The following GIGYF2 variants were observed in gnomAD, a reference collection of about 807,000 sequenced individuals.
The protein encoded by GIGYF2 is GRB10-interacting GYF protein 2.
Under a neutral mutation model 208.1 loss-of-function variants are expected in GIGYF2, and 25 were observed. The observed-to-expected ratio is 0.12, with a 90% CI of 0.09 to 0.17. The LOEUF (loss-of-function observed/expected upper bound fraction) is 0.17. GIGYF2 is among the 10% of genes least tolerant of loss of function. The pLI is 1.00. For missense variants in GIGYF2, 1,302 were observed against 1,579.4 expected, an observed-to-expected ratio of 0.82 and a Z score of 2.98; for synonymous variants, 534 against 543.8, an observed-to-expected ratio of 0.98 and a Z score of 0.25.
intron 2 of GIGYF2, among the ~76,000 whole-genome samples, chr2:232,731,975 G>C (rs142579783): frequency 0.01 from 1,581 of 152,282 alleles, 9 homozygotes; most frequent in Non-Finnish European, 0.014. Context: ...GAAAATAGAA[G>C]TAAAATAAAT....
chr2:232,779,331 G>A (rs1485724383), intron 8 of GIGYF2, among the ~76,000 whole-genome samples: 1 of 152,152 alleles, frequency 6.6e-6, no homozygotes, highest in Non-Finnish European at 1.5e-5. Flanking sequence ...TAATTATCCT[G>A]TATTAAATCT....
At chr2:232,797,488 CTTGTGT>C (rs1559439754) in intron 14 of GIGYF2, among the ~76,000 whole-genome samples, 2 of 49,158 alleles carry the variant, frequency 4.1e-5, no homozygotes, top group Non-Finnish European at 3.8e-5. Flanking sequence ...GAGAGCAGGG[CTTGTGT>C]GTGTGTGTGT....
At chr2:232,763,314 T>C (rs1201859762) in intron 8 of GIGYF2, among the ~76,000 whole-genome samples, 2 of 152,184 alleles carry the variant, frequency 1.3e-5, no homozygotes, top group African/African-American at 4.8e-5. Flanking sequence ...ACAGAATTTT[T>C]AGGATTATAG....
At chr2:232,708,731 A>G (rs561256569) in intron 2 of GIGYF2, among the ~76,000 whole-genome samples, 16 of 150,262 alleles carry the variant, frequency 1.1e-4, no homozygotes, top group Admixed American at 8.0e-4. Flanking sequence ...AGTCCTAACT[A>G]CAGCCTCACT....
At chr2:232,849,864 C>T (rs1690244875) in intron 27 of GIGYF2, among the ~76,000 whole-genome samples, 1 of 152,166 alleles carries the variant, frequency 6.6e-6, no homozygotes, top group Non-Finnish European at 1.5e-5. Flanking sequence ...TCCTCTCTGT[C>T]CTGGGGCCCA....
intron 5 of GIGYF2, among the ~76,000 whole-genome samples, chr2:232,750,120 G>C (rs1698285941): frequency 6.6e-6 from 1 of 151,946 alleles, no homozygotes; most frequent in African/African-American, 2.4e-5. Flanking sequence ...GGGAGACAGA[G>C]ATTGCAGTGA....
At chr2:232,749,254 C>G (rs1340606113) in intron 5 of GIGYF2, among the ~76,000 whole-genome samples, 172 bp downstream of exon 5, 1 of 152,152 alleles carries the variant, frequency 6.6e-6, no homozygotes, top group African/African-American at 2.4e-5. Flanking sequence ...GCTGTAGTAT[C>G]TGTAGCTTTT....
chr2:232,725,827 AG>A (rs1365576924), intron 2 of GIGYF2, among the ~76,000 whole-genome samples: 1 of 152,242 alleles, frequency 6.6e-6, no homozygotes, highest in Non-Finnish European at 1.5e-5. Context: ...TAATATTAGC[AG>A]TATCCATTAG....
At chr2:232,725,756 C>T (rs2106280732) in intron 2 of GIGYF2, among the ~76,000 whole-genome samples, 1 of 152,292 alleles carries the variant, frequency 6.6e-6, no homozygotes, top group South Asian at 2.1e-4. Context: ...GCCTTGAGGG[C>T]AGGAGTTATC....
intron 2 of GIGYF2, among the ~76,000 whole-genome samples, chr2:232,710,525 C>T (rs939301947): frequency 6.6e-6 from 1 of 152,184 alleles, no homozygotes; most frequent in Non-Finnish European, 1.5e-5. Context: ...TTGAGCAAAA[C>T]ACATATTGTT....
At chr2:232,844,978 A>G (rs759007380) in intron 25 of GIGYF2, among the ~76,000 whole-genome samples, 2 of 152,116 alleles carry the variant, frequency 1.3e-5, no homozygotes, top group Non-Finnish European at 2.9e-5. Flanking sequence ...CCTTAAACCT[A>G]TTTATTTTTA....
intron 11 of GIGYF2, 29 bp downstream of exon 11, chr2:232,791,199 T>G: frequency 6.2e-7 from 1 of 1,613,976 alleles, no homozygotes; most frequent in South Asian, 1.1e-5. Flanking sequence ...CTTTGCCTTT[T>G]TTTTCCTCCA....
At chr2:232,723,269 C>T (rs1300226474) in intron 2 of GIGYF2, among the ~76,000 whole-genome samples, 1 of 152,106 alleles carries the variant, frequency 6.6e-6, no homozygotes, top group Non-Finnish European at 1.5e-5. Flanking sequence ...TACTTCCTGC[C>T]TTCTCAGAGA....
rs769542453 is a variant in GIGYF2, at chr2:232,815,605, C to A, written c.2108-32C>A. ...ATGTCACCATGTGTGTAAGCTCTGTCATTCCTCGTTGTTTCTTTTGTTGTC... is the reference window on the plus strand; with the variant it reads ...ATGTCACCATGTGTGTAAGCTCTGTAATTCCTCGTTGTTTCTTTTGTTGTC... On this transcript the variant is annotated intron_variant, in intron 18 of 28. Transcript: ENST00000373563. 1.5e-5 allele frequency: 17 copies of A among 1,132,278 alleles called. No homozygotes were observed. The South Asian group carries it at 1.9e-4, about 12-fold the overall frequency. 70.1% of individuals were successfully genotyped at this position (1,132,278 alleles called of 1,614,324 possible). A position where few individuals can be genotyped will look rare whatever the true frequency, so the allele number is the denominator to read the frequency against.
At chr2:232,799,880 G>A (rs1401879994) in intron 14 of GIGYF2, among the ~76,000 whole-genome samples, 1 of 151,550 alleles carries the variant, frequency 6.6e-6, no homozygotes, top group Non-Finnish European at 1.5e-5. Flanking sequence ...CATAAGGAAT[G>A]TTAAGCATCT....
intron 2 of GIGYF2, among the ~76,000 whole-genome samples, chr2:232,731,866 A>AAAAGCTTTTCTTT (rs2106290680): frequency 7.1e-6 from 1 of 140,434 alleles, no homozygotes; most frequent in Non-Finnish European, 1.6e-5. Context: ...TCTTGTTAGA[A>AAAAGCTTTTCTTT]TTATTTTATA....
At chr2:232,848,451 T>C (rs1383211232) in intron 27 of GIGYF2, among the ~76,000 whole-genome samples, 1 of 152,078 alleles carries the variant, frequency 6.6e-6, no homozygotes, top group African/African-American at 2.4e-5. Flanking sequence ...TTGGCCAACA[T>C]GGTGAAATAC....
At chr2:232,799,175 T>C (rs963881389) in intron 14 of GIGYF2, among the ~76,000 whole-genome samples, 1 of 152,126 alleles carries the variant, frequency 6.6e-6, no homozygotes, top group Non-Finnish European at 1.5e-5. Flanking sequence ...CCTGTAGGTG[T>C]ATAACACATT....
intron 2 of GIGYF2, among the ~76,000 whole-genome samples, chr2:232,726,195 C>T (rs1697193740): frequency 6.6e-6 from 1 of 152,012 alleles, no homozygotes; most frequent in Non-Finnish European, 1.5e-5. Flanking sequence ...TATGCAAAAC[C>T]CTGCCTCTAC....
Sources: allele counts gnomAD v4.1 joint callset (sites outside exome capture counted in the v4.1 genomes callset), GRCh38; gene constraint gnomAD v4.1.1; transcripts MANE v1.5; gene names NCBI Gene and HGNC (gene_info 2026-07-23, HGNC 2026-07-21).